Variants in CD48 observed in about 807,000 individuals in gnomAD.
CD48 encodes CD48 molecule, also known as CD48 antigen.
A neutral mutation model predicts 22.0 loss-of-function variants in CD48; 20 were observed. The ratio of observed to expected loss-of-function variants is 0.91; its 90% CI spans 0.64 to 1.32. CD48 has a LOEUF of 1.32. Among genes scored for constraint, CD48 ranks in the 40% most tolerant of loss-of-function variants. The pLI is 0.00. For synonymous variants in CD48, 110 were observed against 110.1 expected (o/e 1.00, Z 0.01); for missense variants, 307 against 286.5 (o/e 1.07, Z -0.52).
In CD48 at chr1:160,678,798, T is replaced by G. The variant is rs192580483; in HGVS notation, c.*254A>C. 1.7e-3 allele frequency: 601 copies of G among 349,516 alleles called. 5 individuals are homozygous for G. The highest frequency in any genetic ancestry group is 1.3e-3 in the Non-Finnish European group (257 of 193,344). 21.7% of individuals were successfully genotyped at this position (349,516 alleles called of 1,614,324 possible). A position where few individuals can be genotyped will look rare whatever the true frequency, so the allele number is the denominator to read the frequency against. ...GTTTATTTTAAAAAATAATAAAACA[T>G]TCACATAATGTTGTCACAATTTTGG... On this transcript the variant is annotated 3_prime_UTR_variant, in exon 4 of 4. Coordinates refer to ENST00000368046, the MANE Select transcript of CD48 (RefSeq NM_001778.4).
chr1:160,697,399 C>T (rs903211987), intron 1 of CD48, among the ~76,000 whole-genome samples: 683 of 92,802 alleles, frequency 7.4e-3, no homozygotes, highest in South Asian at 0.013. Context: ...GGGTACCTGG[C>T]CCCACAGATG....
chr1:160,683,358 C>T (rs946855412), intron 2 of CD48, among the ~76,000 whole-genome samples: 1 of 152,132 alleles, frequency 6.6e-6, no homozygotes, highest in Admixed American at 6.5e-5. Flanking sequence ...GAAATCTTAC[C>T]CTCAGGCAGG....
At chr1:160,679,455 C>G (rs1353327736) in intron 3 of CD48, among the ~76,000 whole-genome samples, 3 of 152,060 alleles carry the variant, frequency 2.0e-5, no homozygotes, top group Non-Finnish European at 4.4e-5. Flanking sequence ...CAGGTACAGA[C>G]AGATGACCAC....
At chr1:160,707,511 GAGA>G (rs2102441735) in intron 1 of CD48, among the ~76,000 whole-genome samples, 1 of 152,274 alleles carries the variant, frequency 6.6e-6, no homozygotes, top group African/African-American at 2.4e-5. Context: ...TGAGGGAAAA[GAGA>G]AGGAGGAAAG....
At chr1:160,695,383 A>C (rs1051562010) in intron 1 of CD48, among the ~76,000 whole-genome samples, 1 of 152,196 alleles carries the variant, frequency 6.6e-6, no homozygotes, top group African/African-American at 2.4e-5. Flanking sequence ...AGAGGTTGCC[A>C]ATGCAGGACT....
chr1:160,704,763 G>T (rs768060075), intron 1 of CD48, among the ~76,000 whole-genome samples: 1 of 151,424 alleles, frequency 6.6e-6, no homozygotes, highest in African/African-American at 2.4e-5. Flanking sequence ...GTTCCTATTT[G>T]TATTTCCAGT....
intron 1 of CD48, 47 bp downstream of exon 1, chr1:160,711,635 C>T (rs1463855506): frequency 1.4e-6 from 2 of 1,405,972 alleles, no homozygotes; most frequent in Admixed American, 1.7e-5. Context: ...TCCCAACTGA[C>T]CATGCCTTCA....
intron 3 of CD48, chr1:160,680,296 C>T (rs1000316130): frequency 6.6e-6 from 1 of 152,202 alleles, no homozygotes; most frequent in African/African-American, 2.4e-5. Context: ...AGATATTGAT[C>T]CAAGTTTATT....
intron 1 of CD48, among the ~76,000 whole-genome samples, chr1:160,711,440 C>T (rs936753277): frequency 6.6e-6 from 1 of 152,168 alleles, no homozygotes; most frequent in African/African-American, 2.4e-5. Flanking sequence ...TATGAGGAGC[C>T]TACTTCTCTT....
chr1:160,707,456 G>A (rs1476062840), intron 1 of CD48, among the ~76,000 whole-genome samples: 1 of 152,174 alleles, frequency 6.6e-6, no homozygotes, highest in Admixed American at 6.5e-5. Context: ...TCAGAGCAGA[G>A]TTAGTGGCAC....
At chr1:160,692,587 C>T (rs995437878) in intron 1 of CD48, among the ~76,000 whole-genome samples, 1 of 152,062 alleles carries the variant, frequency 6.6e-6, no homozygotes, top group African/African-American at 2.4e-5. Flanking sequence ...TCTAGGAATG[C>T]CCCCAGCACC....
chr1:160,680,369 A>G (rs2102401187), intron 3 of CD48: 1 of 161,732 alleles, frequency 6.2e-6, no homozygotes. Context: ...AGGACTTGTC[A>G]GCCACTGTGA....
Position 160,679,070 on chromosome 1 carries a change from A to G in CD48, c.714T>C (p.Leu238=). 1.2e-6 allele frequency: 2 copies of G among 1,614,046 alleles called. No individual in the cohort carries two copies. The highest frequency in any genetic ancestry group is 4.5e-5 in the East Asian group (2 of 44,882). ...GCTCATCTCAGGTAAGTAACAGGCC[A>G]AGAATGGTGGGCACCGTGACCACTA... ...SWLVVTVPTI[L]GLLLT is the part of the protein sequence containing the mutation. Residue 238 remains leucine (L), a synonymous_variant, in exon 4 of 4, where the codon CTT becomes CTC. Transcript: ENST00000368046.
At chr1:160,681,102 C>T (rs1392789698) in intron 3 of CD48, 100 bp downstream of exon 3, 2 of 1,587,640 alleles carry the variant, frequency 1.3e-6, no homozygotes, top group Non-Finnish European at 1.7e-6. Flanking sequence ...GATTCACCAC[C>T]ACACTGTGCA....
chr1:160,709,015 T>G (rs952421769), intron 1 of CD48, among the ~76,000 whole-genome samples: 3 of 152,198 alleles, frequency 2.0e-5, no homozygotes, highest in African/African-American at 7.2e-5. Context: ...TGCATGACTC[T>G]AGGCCACACC....
chr1:160,707,119 C>G (rs1466152869), intron 1 of CD48, among the ~76,000 whole-genome samples: 1 of 152,044 alleles, frequency 6.6e-6, no homozygotes, highest in Non-Finnish European at 1.5e-5. Flanking sequence ...GCTACCAAGA[C>G]CTCAGGTTTG....
intron 2 of CD48, chr1:160,684,487 C>T: frequency 2.6e-6 from 1 of 381,970 alleles, no homozygotes; most frequent in African/African-American, 2.2e-5. Flanking sequence ...AAAAATTCTC[C>T]TGATAACTCC....
At position 160,679,115 on chromosome 1, in the gene CD48, T is replaced by C. The variant is rs749030454; in HGVS notation, c.669A>G (p.Val223=). The part of the protein sequence containing the change: ...PPCTLARSFG[V]EWIASWLVVT... ...CCACTAGCCAACTTGCAATCCATTC[T>C]ACTCCAAAGGACCGGGCTGAAAGAG... Residue 223 remains valine (V), a synonymous_variant, in exon 4 of 4, where the codon GTA becomes GTG. Coordinates refer to ENST00000368046, the MANE Select transcript of CD48 (RefSeq NM_001778.4). 19 of 1,614,048 alleles carry C rather than the reference T, an allele frequency of 1.2e-5. No homozygotes were observed. The highest frequency in any genetic ancestry group is 1.6e-5 in the Non-Finnish European group (19 of 1,179,986).
intron 1 of CD48, among the ~76,000 whole-genome samples, chr1:160,692,972 T>C (rs536502642): frequency 8.6e-6 from 1 of 116,024 alleles, no homozygotes; most frequent in Non-Finnish European, 1.8e-5. Context: ...ACCCTCTCAA[T>C]TTTTACAATT....
Sources: gnomAD v4.1 joint callset for allele counts (sites outside exome capture counted in the v4.1 genomes callset) on GRCh38, gnomAD v4.1.1 for gene constraint, MANE v1.5 for transcripts, NCBI Gene and HGNC (gene_info 2026-07-23, HGNC 2026-07-21) for gene names.